The following NSD3 variants were observed in gnomAD, a reference collection of about 807,000 sequenced individuals.
NSD3 encodes histone-lysine N-methyltransferase NSD3.
Under a neutral mutation model 160.8 loss-of-function variants are expected in NSD3, and 24 were observed. The observed-to-expected ratio is 0.15, with a 90% CI of 0.11 to 0.21. NSD3 has a LOEUF of 0.21. NSD3 is among the 10% of genes least tolerant of loss of function. The probability of loss-of-function intolerance (pLI) is 1.00; values close to 1 mark genes in which losing one functional copy is unlikely to be tolerated. For missense variants in NSD3, 1,157 were observed against 1,735.9 expected (o/e 0.67, Z 5.93); for synonymous variants, 520 against 600.0 (o/e 0.87, Z 1.95).
At chr8:38,275,990 C>A in intron 23 of NSD3, 108 bp from the exon 24 acceptor site, 1 of 971,330 alleles carries the variant, frequency 1.0e-6, no homozygotes, top group South Asian at 1.7e-5. Context: ...AGATGGAATT[C>A]AATTGAATAC....
At chr8:38,360,094 C>G (rs1975132) in intron 1 of NSD3, among the ~76,000 whole-genome samples, 33,253 of 151,190 alleles carry the variant, frequency 0.22, 3,901 homozygotes, top group East Asian at 0.31. Context: ...TTCCTGGGCT[C>G]AGGTGATTCT....
intron 4 of NSD3, among the ~76,000 whole-genome samples, chr8:38,334,740 A>G (rs1237510286): frequency 2.0e-5 from 3 of 151,030 alleles, no homozygotes; most frequent in Non-Finnish European, 4.4e-5. Flanking sequence ...AGCCTGGGCA[A>G]CAATCCATCT....
intron 1 of NSD3, among the ~76,000 whole-genome samples, chr8:38,353,476 A>T (rs1810750924): frequency 6.6e-6 from 1 of 152,220 alleles, no homozygotes; most frequent in Non-Finnish European, 1.5e-5. Context: ...TGTATACAAG[A>T]TCAGCTTCCA....
In NSD3 at chr8:38,329,702, G is replaced by C; in HGVS notation, c.1257C>G (p.Thr419=). Residue 419 remains threonine (T), a synonymous_variant, in exon 6 of 24, where the codon ACC becomes ACG. Coordinates refer to ENST00000317025, the MANE Select transcript of NSD3 (RefSeq NM_023034.2). The surrounding 1 kb of genome is among the most constrained non-coding windows in gnomAD (Gnocchi z 4.8). The part of the protein sequence containing the change: ...SVASKTEVKK[T]RRPRSVLNTQ... ...TATTCAGCACAGATCTTGGTCGTCG[G>C]GTTTTTTTAACTTCGGTTTTGGAGG... 1 of 1,614,124 alleles carries C rather than the reference G, an allele frequency of 6.2e-7. No homozygotes were observed. The highest frequency in any genetic ancestry group is 1.3e-5 in the African/African-American group (1 of 75,030).
At chr8:38,290,790 T>G in intron 16 of NSD3, 113 bp from the exon 17 acceptor site, 1 of 948,146 alleles carries the variant, frequency 1.1e-6, no homozygotes, top group East Asian at 2.6e-5. Context: ...TTCATTCAGA[T>G]TCTAAGAACA....
intron 1 of NSD3, among the ~76,000 whole-genome samples, chr8:38,353,435 T>C (rs902810239): frequency 1.4e-4 from 22 of 152,240 alleles, no homozygotes; most frequent in Admixed American, 1.4e-3. Context: ...TCTAACAAGA[T>C]GCAACCTGTG....
At chr8:38,371,758 T>C (rs2150395440) in intron 1 of NSD3, among the ~76,000 whole-genome samples, 1 of 152,270 alleles carries the variant, frequency 6.6e-6, no homozygotes, top group South Asian at 2.1e-4. Context: ...AATAACCAAA[T>C]AAAGGCTTTA....
At chr8:38,280,860 C>T (rs1179930443) in intron 20 of NSD3, among the ~76,000 whole-genome samples, 1 of 151,650 alleles carries the variant, frequency 6.6e-6, no homozygotes, top group African/African-American at 2.4e-5. Context: ...TCAAGTGATC[C>T]TCCTGCCTCG....
intron 2 of NSD3, among the ~76,000 whole-genome samples, chr8:38,346,203 C>T (rs1453907804): frequency 6.8e-6 from 1 of 147,858 alleles, no homozygotes; most frequent in Non-Finnish European, 1.5e-5. Context: ...TATATACATA[C>T]CTATGTATTA....
At chr8:38,374,275 C>T (rs2150396806) in intron 1 of NSD3, among the ~76,000 whole-genome samples, 1 of 151,942 alleles carries the variant, frequency 6.6e-6, no homozygotes, top group East Asian at 1.9e-4. Flanking sequence ...AAGACCCTGT[C>T]TCTAAAAATA....
At chr8:38,377,002 A>T (rs1206957942) in intron 1 of NSD3, among the ~76,000 whole-genome samples, 3 of 149,122 alleles carry the variant, frequency 2.0e-5, no homozygotes, top group East Asian at 1.9e-4. Flanking sequence ...AAGACTCTTT[A>T]AAAAAAAAAG....
intron 22 of NSD3, among the ~76,000 whole-genome samples, chr8:38,278,001 C>T (rs934894529): frequency 4.0e-5 from 6 of 149,748 alleles, no homozygotes; most frequent in Non-Finnish European, 7.4e-5. Context: ...TGCAGTGGTG[C>T]GATCTTGGCT....
At chr8:38,379,594 G>T (rs1255874091) in intron 1 of NSD3, among the ~76,000 whole-genome samples, 3 of 152,008 alleles carry the variant, frequency 2.0e-5, no homozygotes, top group African/African-American at 7.3e-5. Flanking sequence ...TAGTGTAAAA[G>T]CCAGATTTAC....
chr8:38,332,987 C>T (rs1406110601), intron 4 of NSD3, among the ~76,000 whole-genome samples: 1 of 151,980 alleles, frequency 6.6e-6, no homozygotes, highest in Admixed American at 6.6e-5. Flanking sequence ...AATAAAGACC[C>T]AAGCACAAAT....
At chr8:38,366,333 A>T (rs866420686) in intron 1 of NSD3, among the ~76,000 whole-genome samples, 21 of 151,986 alleles carry the variant, frequency 1.4e-4, no homozygotes, top group African/African-American at 4.8e-4. Context: ...GAAAAATGAG[A>T]TTTTAAACAT....
At chr8:38,334,777 A>T (rs1474940191) in intron 4 of NSD3, among the ~76,000 whole-genome samples, 1 of 151,994 alleles carries the variant, frequency 6.6e-6, no homozygotes, top group Non-Finnish European at 1.5e-5. Flanking sequence ...AACAAAAAAA[A>T]CAGGTGAATT....
chr8:38,283,723 G>A (rs1808786483), intron 19 of NSD3, among the ~76,000 whole-genome samples: 1 of 152,168 alleles, frequency 6.6e-6, no homozygotes, highest in Non-Finnish European at 1.5e-5. Context: ...ATATGCTTCA[G>A]CTGCGGAGCA....
At chr8:38,307,379 T>A (rs1453566864) in intron 12 of NSD3, among the ~76,000 whole-genome samples, 2 of 151,890 alleles carry the variant, frequency 1.3e-5, no homozygotes, top group African/African-American at 4.8e-5. Context: ...GAGTTTAAGT[T>A]GGAAGCAGCT....
intron 12 of NSD3, among the ~76,000 whole-genome samples, chr8:38,307,135 A>AAAAT (rs1554524055): frequency 6.4e-4 from 60 of 93,660 alleles, no homozygotes; most frequent in African/African-American, 8.7e-4. Context: ...AAAATAAAAT[A>AAAAT]AAATAAATAA....
Sources: gnomAD v4.1 joint callset for allele counts (sites outside exome capture counted in the v4.1 genomes callset) on GRCh38, gnomAD v4.1.1 for gene constraint, Gnocchi (gnomAD v3.1) non-coding constraint, MANE v1.5 for transcripts, NCBI Gene and HGNC (gene_info 2026-07-23, HGNC 2026-07-21) for gene names.